MYO7B: variants seen among roughly 807,000 people sequenced by gnomAD.
The protein encoded by MYO7B is unconventional myosin-VIIb.
In MYO7B, 212 loss-of-function variants were observed where a neutral mutation model predicts 259.7. The observed-to-expected ratio is 0.82, with a 90% CI of 0.73 to 0.91. The LOEUF (loss-of-function observed/expected upper bound fraction) is 0.91. Ranked by LOEUF, MYO7B falls within the 40% of genes least tolerant of loss-of-function variation. The probability of loss-of-function intolerance (pLI) is 0.00; values close to 1 mark genes in which losing one functional copy is unlikely to be tolerated. For missense variants in MYO7B, 2,732 were observed against 2,813.5 expected, an observed-to-expected ratio of 0.97 and a Z score of 0.66; for synonymous variants, 1,197 against 1,166.4, an observed-to-expected ratio of 1.03 and a Z score of -0.54.
Position 127,593,616 on chromosome 2 carries a change from A to G in MYO7B, c.2216A>G (p.Lys739Arg). 6.2e-7 allele frequency: 1 copy of G among 1,613,726 alleles called. No individual in the cohort carries two copies. The highest frequency in any genetic ancestry group is 8.5e-7 in the Non-Finnish European group (1 of 1,179,832). Residue 739 changes from lysine to arginine, a missense_variant, in exon 18 of 48, where the codon AAA becomes AGA. Lys to Arg is a conservative substitution (Grantham distance 26). Around this residue, in one of 3 missense-constraint regions of MYO7B, gnomAD observed 1,906 missense variants for 2,026.4 expected, o/e 0.94. Transcript: ENST00000409816. ...TGGCTGCGGACAGACAAAGACTGGA[A>G]AGCGGGGAAGACAAAAATTTTCCTG... ...DVWLRTDKDW[K>R]AGKTKIFLRD...
At chr2:127,595,510 A>G (rs965192486) in intron 18 of MYO7B, among the ~76,000 whole-genome samples, 1 of 151,944 alleles carries the variant, frequency 6.6e-6, no homozygotes, top group Non-Finnish European at 1.5e-5. Flanking sequence ...TCTTCTGCTA[A>G]TTTTGAAGTT....
intron 19 of MYO7B, among the ~76,000 whole-genome samples, chr2:127,598,225 C>T (rs1679842574): frequency 6.6e-6 from 1 of 152,216 alleles, no homozygotes; most frequent in Non-Finnish European, 1.5e-5. Context: ...TACATTCCCA[C>T]CAGCAATGTC....
intron 40 of MYO7B, among the ~76,000 whole-genome samples, chr2:127,633,715 C>T (rs1681642372): frequency 6.6e-6 from 1 of 152,168 alleles, no homozygotes; most frequent in African/African-American, 2.4e-5. Context: ...GCCTTGTGCA[C>T]AGAGCCTGCC....
intron 11 of MYO7B, 138 bp from the exon 12 acceptor site, chr2:127,582,166 G>T: frequency 6.8e-7 from 1 of 1,461,516 alleles, no homozygotes; most frequent in South Asian, 1.3e-5. Flanking sequence ...TCAGCCTCTT[G>T]GGCCCTGGTT....
intron 1 of MYO7B, among the ~76,000 whole-genome samples, chr2:127,544,602 G>A (rs1454314689): frequency 4.9e-5 from 7 of 141,602 alleles, no homozygotes; most frequent in Non-Finnish European, 9.2e-5. Flanking sequence ...TTTTTTTGAG[G>A]TGGAGTCTCG....
In MYO7B at chr2:127,612,617, C is replaced by T. The variant is rs1377814085; in HGVS notation, c.3398+14C>T. On this transcript the variant is annotated intron_variant, in intron 26 of 47. Coordinates refer to ENST00000409816, the MANE Select transcript of MYO7B (RefSeq NM_001393586.1). The stretch of plus-strand genomic sequence containing the variant: ...GCCCAGCCTCAGGTCAGTTCCCACT[C>T]CCATCCCGGCCCCATTCAGAGCATC... 3.1e-6 allele frequency: 5 copies of T among 1,608,460 alleles called. No individual in the cohort carries two copies. Among genetic ancestry groups the T allele is most frequent in the Non-Finnish European group, 4.2e-6 (5 of 1,178,326 alleles).
intron 47 of MYO7B, 134 bp from the exon 48 acceptor site, chr2:127,637,182 A>G (rs1220612980): frequency 1.1e-6 from 1 of 900,874 alleles, no homozygotes; most frequent in Non-Finnish European, 1.8e-6. Context: ...GACGGCCCCA[A>G]TGGCAGGAGC....
rs1056509725 is a variant in MYO7B, at chr2:127,573,143, C to G, written c.593-777C>G. On this transcript the variant is annotated intron_variant, in intron 6 of 47. Transcript: ENST00000409816. ...ACTTCCCCAAGGAACCCTTTTCCTT[C>G]GTTTCATGGGACTATGCTGGATGCT... 3.9e-5 allele frequency among the ~76,000 whole-genome samples: 6 copies of G among 152,276 alleles called. No individual in the cohort carries two copies. The East Asian group carries it at 9.6e-4, about 24-fold the overall frequency.
Position 127,536,366 on chromosome 2 carries a change from C to T in MYO7B, c.-24+535C>T, listed in dbSNP as rs147992481. Among the ~76,000 whole-genome samples, 5 of 151,662 alleles carry T rather than the reference C, an allele frequency of 3.3e-5. No individual in the cohort carries two copies. The East Asian group carries it at 9.7e-4, about 30-fold the overall frequency. Reference sequence around the variant, plus strand: ...AGCAGAGCCGGATTCGACTCCAAAGCCCAGGCTTATCCGCCTTACCCATGT... The same window carrying T: ...AGCAGAGCCGGATTCGACTCCAAAGTCCAGGCTTATCCGCCTTACCCATGT... On this transcript the variant is annotated intron_variant, in intron 1 of 47. Transcript: ENST00000409816.
rs568086777 is a variant in MYO7B at position 127,627,836 on chromosome 2, C to A, written c.4460+526C>A. On this transcript the variant is annotated intron_variant, in intron 33 of 47. Coordinates refer to ENST00000409816, the MANE Select transcript of MYO7B (RefSeq NM_001393586.1). This position sits in a 1 kb window ranked among gnomAD's most constrained non-coding sequence, Gnocchi z 5.6. ...GTCCCACCCAAGCCCTGCCAGAGCG[C>A]CCCTTGGTTGAAGCACACAACAGAG... 2.2e-6 allele frequency: 1 copy of A among 457,912 alleles called. No individual in the cohort carries two copies. The highest frequency in any genetic ancestry group is 4.4e-6 in the Non-Finnish European group (1 of 227,836). The allele number at this position is 457,912 out of a possible 1,614,324, so 28.4% of individuals were successfully genotyped here.
intron 1 of MYO7B, among the ~76,000 whole-genome samples, chr2:127,552,068 C>T (rs1275748994): frequency 2.6e-5 from 4 of 152,140 alleles, no homozygotes; most frequent in Non-Finnish European, 4.4e-5. Context: ...AGGAGGGTGA[C>T]GGACCACAGG....
rs76737661 is a variant in MYO7B, at chr2:127,550,200, T to C, written c.-23-9500T>C. ...TTTGAACTAGGGGAGATGTTCCCCATAAGGATATAGGAGGAAGGCATACTG... is the reference window on the plus strand; with the variant it reads ...TTTGAACTAGGGGAGATGTTCCCCACAAGGATATAGGAGGAAGGCATACTG... On this transcript the variant is annotated intron_variant, in intron 1 of 47. Transcript: ENST00000409816. Among the ~76,000 whole-genome samples the C allele has an allele frequency of 5.9e-3, 903 of 152,072 alleles. 8 individuals are homozygous for C. The highest frequency in any genetic ancestry group is 0.021 in the African/African-American group (851 of 41,450).
Position 127,623,356 on chromosome 2 carries a change from A to C in MYO7B, c.3800A>C (p.Gln1267Pro), listed in dbSNP as rs777681660. The part of the protein sequence containing the change: ...GLSDHLGFSL[Q>P]VAVYDKFWSL... ...AGCGACCACCTGGGCTTCTCCCTCC[A>C]GGTCGCCGTGTACGACAAGGTACCA... The change falls in exon 29 of 48, where the codon CAG becomes CCG. Residue 1267 changes from glutamine to proline, a missense_variant. Gln to Pro is a moderately conservative substitution (Grantham distance 76). Around this residue, in one of 3 missense-constraint regions of MYO7B, gnomAD observed 1,906 missense variants for 2,026.4 expected, o/e 0.94. Transcript: ENST00000409816. 6.3e-7 allele frequency: 1 copy of C among 1,599,804 alleles called. No individual in the cohort carries two copies. The highest frequency in any genetic ancestry group is 8.5e-7 in the Non-Finnish European group (1 of 1,173,226).
intron 1 of MYO7B, among the ~76,000 whole-genome samples, chr2:127,538,664 C>T (rs1230091748): frequency 6.6e-6 from 1 of 151,940 alleles, no homozygotes; most frequent in Admixed American, 6.6e-5. Flanking sequence ...CTCCCAGGTT[C>T]AAGCAATTCT....
intron 42 of MYO7B, 61 bp downstream of exon 42, chr2:127,634,744 C>CCGCACAGAGGCCGCCA: frequency 7.0e-7 from 1 of 1,431,578 alleles, no homozygotes; most frequent in Non-Finnish European, 9.7e-7. Context: ...GGGGCACTGG[C>CCGCACAGAGGCCGCCA]GGCCTCTGTG....
chr2:127,626,868 G>A, intron 31 of MYO7B, 107 bp from the exon 32 acceptor site: 2 of 1,063,266 alleles, frequency 1.9e-6, no homozygotes, highest in South Asian at 1.5e-5. Context: ...CACTGGCCTT[G>A]TAGAGCCTTC....
At chr2:127,598,223 C>T (rs1391330806) in intron 19 of MYO7B, among the ~76,000 whole-genome samples, 1 of 152,200 alleles carries the variant, frequency 6.6e-6, no homozygotes, top group Non-Finnish European at 1.5e-5. Flanking sequence ...TTTACATTCC[C>T]ACCAGCAATG....
intron 9 of MYO7B, 29 bp from the exon 10 acceptor site, chr2:127,580,717 C>T (rs1679064322): frequency 6.3e-7 from 1 of 1,599,310 alleles, no homozygotes; most frequent in Non-Finnish European, 8.5e-7. Flanking sequence ...GGCTGCTTTC[C>T]AACTCAGCAT....
chr2:127,628,185 C>A lies in MYO7B; in HGVS notation c.4461-187C>A. 1 of 748,752 alleles carries A rather than the reference C, an allele frequency of 1.3e-6. No homozygotes were observed. The highest frequency in any genetic ancestry group is 2.3e-6 in the Non-Finnish European group (1 of 430,484). 46.4% of individuals were successfully genotyped at this position (748,752 alleles called of 1,614,324 possible). A position where few individuals can be genotyped will look rare whatever the true frequency, so the allele number is the denominator to read the frequency against. On this transcript the variant is annotated intron_variant, in intron 33 of 47. Transcript: ENST00000409816. The surrounding 1 kb of genome is among the most constrained non-coding windows in gnomAD (Gnocchi z 4.8). ...GCACCACTCTCAGCCTCCGAGAGGTCCTGTGCTCCGCCGTCCTTCATTTGT... is the reference window on the plus strand; with the variant it reads ...GCACCACTCTCAGCCTCCGAGAGGTACTGTGCTCCGCCGTCCTTCATTTGT...
Sources: allele counts gnomAD v4.1 joint callset (sites outside exome capture counted in the v4.1 genomes callset), GRCh38; gene constraint gnomAD v4.1.1; regional missense constraint gnomAD v4.1.1; non-coding constraint Gnocchi (gnomAD v3.1); transcripts MANE v1.5; gene names NCBI Gene and HGNC (gene_info 2026-07-23, HGNC 2026-07-21).